Variants in NLRP13 observed in about 807,000 individuals in gnomAD.
NLRP13 encodes the protein NLR family pyrin domain containing 13.
In NLRP13, 82 loss-of-function variants were observed where a neutral mutation model predicts 94.4. The observed-to-expected ratio is 0.87, with a 90% CI of 0.73 to 1.04. NLRP13 has a LOEUF of 1.04. Ranked by LOEUF, NLRP13 falls within the 50% of genes least tolerant of loss-of-function variation. NLRP13 has a pLI of 0.00. For missense variants in NLRP13, 1,426 were observed against 1,230.8 expected, an observed-to-expected ratio of 1.16 and a Z score of -2.37; for synonymous variants, 553 against 464.7, an observed-to-expected ratio of 1.19 and a Z score of -2.45.
At chr19:55,907,062 G>A (rs1243996857) in intron 7 of NLRP13, among the ~76,000 whole-genome samples, 2 of 152,052 alleles carry the variant, frequency 1.3e-5, no homozygotes, top group African/African-American at 2.4e-5. Context: ...GGGTTCAAGC[G>A]AGTCTCCTGC....
rs7258847 is a variant in NLRP13, at chr19:55,902,166, G to C, written c.2658C>G (p.His886Gln). The change falls in exon 9 of 11, where the codon CAC (histidine) becomes CAG (glutamine). Residue 886 changes from histidine to glutamine, a missense_variant. Transcript: ENST00000342929. Reference protein sequence around the residue: ...FCQLAAPACKHLSDALLQNRS... With the variant: ...FCQLAAPACKQLSDALLQNRS... ...TGTTCTGCAGGAGAGCATCTGACAA[G>C]TGCTTGCAAGCGGGTGCTGCCAGCT... 2 of 1,613,848 alleles carry C rather than the reference G, an allele frequency of 1.2e-6. No homozygotes were observed. Among genetic ancestry groups the C allele is most frequent in the Non-Finnish European group, 1.7e-6 (2 of 1,179,896 alleles).
intron 7 of NLRP13, among the ~76,000 whole-genome samples, chr19:55,906,337 C>CAAAAAAAAA (rs71182931): frequency 0.12 from 6,964 of 60,504 alleles, 1,293 homozygotes; most frequent in East Asian, 0.14. Context: ...GACTCCATCT[C>CAAAAAAAAA]AAAAAAAAAA....
chr19:55,902,257 A>G (rs1185119409), intron 8 of NLRP13, 52 bp from the exon 9 acceptor site: 4 of 1,561,732 alleles, frequency 2.6e-6, no homozygotes, highest in Non-Finnish European at 2.6e-6. Flanking sequence ...GCCCAGACCC[A>G]GGCTCCTGGA....
chr19:55,912,206 T>C lies in NLRP13; in HGVS notation c.1611A>G (p.Leu537=), dbSNP rs770043173. Residue 537 remains leucine (L), a synonymous_variant, in exon 5 of 11, where the codon CTA becomes CTG. Transcript: ENST00000342929. ...TGGCTGCAAAAAACTCCTGGAAACT[T>C]AGGTGGGTGAAAGTAGTGCAACCCC... The part of the protein sequence containing the change: ...DCGGCTTFTH[L]SFQEFFAAMS... 9.9e-6 allele frequency: 16 copies of C among 1,614,130 alleles called. No homozygotes were observed. The highest frequency in any genetic ancestry group is 1.4e-5 in the Non-Finnish European group (16 of 1,180,008).
Position 55,909,310 on chromosome 19 carries a change from C to T in NLRP13, c.2282+1253G>A, listed in dbSNP as rs142680421. Among the ~76,000 whole-genome samples the T allele has an allele frequency of 1.7e-4, 26 of 152,302 alleles. No individual in the cohort carries two copies. The East Asian group carries it at 4.6e-3, about 27-fold the overall frequency. On this transcript the variant is annotated intron_variant, in intron 6 of 10. Transcript: ENST00000342929. ...GGATCATATTAGCAGGGGACCAATA[C>T]GCTTTAGTCCACAGCTGTGCTCCAG...
chr19:55,927,446 T>G (rs1986994560), intron 1 of NLRP13, among the ~76,000 whole-genome samples: 1 of 120,678 alleles, frequency 8.3e-6, no homozygotes, highest in Non-Finnish European at 1.6e-5. Flanking sequence ...TGAAATAAAG[T>G]CTAATTCCTT....
At chr19:55,921,512 A>T (rs1158683764) in intron 4 of NLRP13, among the ~76,000 whole-genome samples, 1 of 152,206 alleles carries the variant, frequency 6.6e-6, no homozygotes, top group Non-Finnish European at 1.5e-5. Context: ...GTATTGCTTA[A>T]TGTTTTTTAA....
chr19:55,926,557 C>G (rs1986970289), intron 1 of NLRP13, among the ~76,000 whole-genome samples: 1 of 152,158 alleles, frequency 6.6e-6, no homozygotes, highest in African/African-American at 2.4e-5. Context: ...CCCAACATTA[C>G]TCCCCCCAGG....
At chr19:55,921,019 T>A (rs1277707829) in intron 4 of NLRP13, among the ~76,000 whole-genome samples, 3 of 152,112 alleles carry the variant, frequency 2.0e-5, no homozygotes, top group Admixed American at 1.3e-4. Flanking sequence ...TGACACAGAA[T>A]AACAAATACC....
chr19:55,893,036 G>T (rs1331550138), downstream of NLRP13, among the ~76,000 whole-genome samples: 2 of 152,154 alleles, frequency 1.3e-5, no homozygotes, highest in Non-Finnish European at 2.9e-5. Flanking sequence ...GTGTAAAGTG[G>T]CAAACTGATA....
At chr19:55,907,236 G>A (rs1413410971) in intron 7 of NLRP13, among the ~76,000 whole-genome samples, 1 of 152,050 alleles carries the variant, frequency 6.6e-6, no homozygotes, top group Non-Finnish European at 1.5e-5. Flanking sequence ...GGGATTACAG[G>A]CATGAGCCAC....
intron 4 of NLRP13, among the ~76,000 whole-genome samples, chr19:55,923,058 T>A (rs2123140946): frequency 6.6e-6 from 1 of 152,276 alleles, no homozygotes; most frequent in Non-Finnish European, 1.5e-5. Context: ...AAAACTAAAC[T>A]TAGAACTAGA....
At chr19:55,899,802 G>T (rs947784155) in intron 9 of NLRP13, among the ~76,000 whole-genome samples, 1 of 152,102 alleles carries the variant, frequency 6.6e-6, no homozygotes, top group East Asian at 1.9e-4. Context: ...ACTACGTGAA[G>T]AACGTCCATA....
At chr19:55,908,627 A>G (rs1986420473) in intron 6 of NLRP13, among the ~76,000 whole-genome samples, 1 of 152,222 alleles carries the variant, frequency 6.6e-6, no homozygotes. Context: ...TTACAAGAAC[A>G]TGGATGGAGC....
chr19:55,899,039 G>A (rs1986095282), intron 9 of NLRP13, 102 bp from the exon 10 acceptor site: 4 of 1,266,402 alleles, frequency 3.2e-6, no homozygotes, highest in Admixed American at 2.6e-5. Flanking sequence ...GAGACACCCT[G>A]AAGCCAGACT....
intron 1 of NLRP13, among the ~76,000 whole-genome samples, chr19:55,929,642 G>A (rs1028722851): frequency 6.6e-6 from 1 of 152,124 alleles, no homozygotes; most frequent in Non-Finnish European, 1.5e-5. Flanking sequence ...GGGGCTAGGG[G>A]AGGGATAGTA....
Position 55,910,619 on chromosome 19 carries a change from A to C in NLRP13, c.2226T>G (p.Ser742=), listed in dbSNP as rs1242709638. 2 of 1,613,744 alleles carry C rather than the reference A, an allele frequency of 1.2e-6. No homozygotes were observed. Among genetic ancestry groups the C allele is most frequent in the Admixed American group, 3.3e-5 (2 of 60,030 alleles). The part of the protein sequence containing the change: ...DLSNSKLHAS[S]VKGLCLALKN... ...TCAGTGCAAGACAGAGACCCTTCAC[A>C]GAGGAAGCATGAAGTTTGCTGTTAC... Residue 742 remains serine, a synonymous_variant, in exon 6 of 11, where the codon TCT becomes TCG. Transcript: ENST00000342929.
chr19:55,913,547 T>TAAAAAAAAAAAAAAAAAAAAAAA (rs1986593179), intron 4 of NLRP13, among the ~76,000 whole-genome samples: 1 of 10,908 alleles, frequency 9.2e-5, no homozygotes, highest in Non-Finnish European at 1.7e-4. Flanking sequence ...AGACTCCGTC[T>TAAAAAAAAAAAAAAAAAAAAAAA]CAAAAAAAAA....
At chr19:55,908,814 G>C (rs1986424483) in intron 6 of NLRP13, among the ~76,000 whole-genome samples, 1 of 152,140 alleles carries the variant, frequency 6.6e-6, no homozygotes, top group African/African-American at 2.4e-5. Context: ...TAACTAATGG[G>C]TACTGGGATT....
Sources: allele counts gnomAD v4.1 joint callset (sites outside exome capture counted in the v4.1 genomes callset), GRCh38; gene constraint gnomAD v4.1.1; transcripts MANE v1.5; gene names NCBI Gene and HGNC (gene_info 2026-07-23, HGNC 2026-07-21).